The following DIDO1 variants were observed in gnomAD, a reference collection of about 807,000 sequenced individuals.
DIDO1 encodes death inducer-obliterator 1.
A neutral mutation model predicts 99.4 loss-of-function variants in DIDO1; 16 were observed. The ratio of observed to expected loss-of-function variants is 0.16; its 90% CI spans 0.11 to 0.24. The LOEUF is 0.24. Among genes scored for constraint, DIDO1 ranks in the 10% least tolerant of loss-of-function variants. The pLI, the probability that DIDO1 is intolerant of heterozygous loss-of-function variation, is 1.00. For missense variants in DIDO1, 2,996 were observed against 3,014.0 expected (o/e 0.99, Z 0.14); for synonymous variants, 1,366 against 1,239.1 (o/e 1.10, Z -2.15).
In DIDO1 at chr20:62,925,302, T is replaced by TA. The variant is rs1453861536; in HGVS notation, c.-200+1136dup. Among the ~76,000 whole-genome samples the TA allele has an allele frequency of 2.0e-5, 3 of 152,302 alleles. No homozygotes were observed. The South Asian group carries it at 6.2e-4, about 32-fold the overall frequency. On this transcript the variant is annotated intron_variant, in intron 1 of 15. Coordinates refer to ENST00000395343, the MANE Select transcript of DIDO1 (RefSeq NM_001193369.2). ...TAACAGTAAGCAATGAATGCTCATT[T>TA]AAAAAAAGACTGTATTTACTCCTTA...
chr20:62,905,570 G>A (rs1418081126), intron 6 of DIDO1: 2 of 1,550,982 alleles, frequency 1.3e-6, no homozygotes, highest in East Asian at 2.4e-5. Flanking sequence ...CAATCAGACT[G>A]GGATGAAGAG....
At chr20:62,907,087 C>T (rs989752567) in intron 5 of DIDO1, 60 bp downstream of exon 5, 57 of 1,573,122 alleles carry the variant, frequency 3.6e-5, no homozygotes, top group African/African-American at 1.1e-4. Context: ...AACAGTTCTG[C>T]GACAAACGCT....
At chr20:62,904,216 C>CCT (rs3069123) in intron 6 of DIDO1, among the ~76,000 whole-genome samples, 82,949 of 151,842 alleles carry the variant, frequency 0.55, 24,096 homozygotes, top group African/African-American at 0.75. Context: ...ATTAAAAATC[C>CCT]CTCTCTGCAT....
Position 62,882,054 on chromosome 20 carries a change from G to A in DIDO1, c.3902C>T (p.Ser1301Phe), listed in dbSNP as rs536977764. ...TTAAAASTAA[S>F]STASSASKTA... ...TTTGGAAGCAGACGAAGCGGTGGAG[G>A]AAGCTGCCGTGGAGGCTGCCGCTGC... Residue 1301 changes from serine (S) to phenylalanine (F), a missense_variant, in exon 16 of 16, where the codon TCC becomes TTC. Transcript: ENST00000395343. 2.5e-6 allele frequency: 4 copies of A among 1,613,600 alleles called. No individual in the cohort carries two copies. Among genetic ancestry groups the A allele is most frequent in the East Asian group, 2.2e-5 (1 of 44,892 alleles).
chr20:62,929,344 AG>A, upstream of DIDO1: 1 of 135,936 alleles, frequency 7.4e-6, no homozygotes, highest in Admixed American at 7.1e-5. Flanking sequence ...GGGCACGGGG[AG>A]GGGCGAGGGC....
rs2064137913 is a variant in DIDO1, at chr20:62,878,109, AAC to A, written c.*1122_*1123del. 1 of 152,382 alleles carries A rather than the reference AAC, an allele frequency of 6.6e-6. No individual in the cohort carries two copies. Among genetic ancestry groups the A allele is most frequent in the Admixed American group, 6.5e-5 (1 of 15,302 alleles). The allele number at this position is 152,382 out of a possible 1,614,324, so 9.4% of individuals were successfully genotyped here. A position where few individuals can be genotyped will look rare whatever the true frequency, so the allele number is the denominator to read the frequency against. On this transcript the variant is annotated 3_prime_UTR_variant, in exon 16 of 16. Transcript: ENST00000395343. ...AATCTGTAGTGACGTACAATGGAAT[AAC>A]AGACTCCAAAGAACAAGTGAAGTTC... is the stretch of plus-strand genomic sequence containing the variant.
intron 1 of DIDO1, among the ~76,000 whole-genome samples, chr20:62,933,755 C>T (rs533110229): frequency 1.2e-4 from 18 of 152,236 alleles, no homozygotes; most frequent in Middle Eastern, 3.4e-3. Flanking sequence ...CCTGTAGTCC[C>T]AGCTACTCAA....
chr20:62,894,983 GT>G lies in DIDO1; in HGVS notation c.2331+65del, dbSNP rs2064486700. 1 of 1,595,114 alleles carries G rather than the reference GT, an allele frequency of 6.3e-7. No homozygotes were observed. Among genetic ancestry groups the G allele is most frequent in the African/African-American group, 1.3e-5 (1 of 74,448 alleles). On this transcript the variant is annotated intron_variant, in intron 9 of 15. Coordinates refer to ENST00000395343, the MANE Select transcript of DIDO1 (RefSeq NM_001193369.2). This position sits in a 1 kb window ranked among gnomAD's most constrained non-coding sequence, Gnocchi z 4.4. ...GGAGGAAAGCATCGCTTATGCAGCC[GT>G]CTATGAATTTATTTCTATTAAGCTC...
chr20:62,892,168 T>C (rs1325672891), intron 13 of DIDO1, 92 bp from the exon 14 acceptor site: 2 of 1,032,746 alleles, frequency 1.9e-6, no homozygotes, highest in Admixed American at 5.2e-5. Context: ...CTACCCAAGA[T>C]TCAAGAAGAC....
chr20:62,882,393 T>C lies in DIDO1; in HGVS notation c.3563A>G (p.Asn1188Ser). The change falls in exon 16 of 16, where the codon AAT becomes AGT. Residue 1188 changes from asparagine to serine, a missense_variant. Physicochemically the swap from Asn to Ser is conservative, Grantham distance 46. Transcript: ENST00000395343. Reference protein sequence around the residue: ...EGPGLESPRPNIILGLVICQK... With the variant: ...EGPGLESPRPSIILGLVICQK... ...GCAGATTACTAACCCAAGAATTATATTCGGACGTGGTGACTCAAGACCTGA... is the reference window on the plus strand; with the variant it reads ...GCAGATTACTAACCCAAGAATTATACTCGGACGTGGTGACTCAAGACCTGA... 6.2e-7 allele frequency: 1 copy of C among 1,611,944 alleles called. No homozygotes were observed. Among genetic ancestry groups the C allele is most frequent in the South Asian group, 1.1e-5 (1 of 90,800 alleles).
chr20:62,925,682 A>G (rs1247152773), intron 1 of DIDO1, among the ~76,000 whole-genome samples: 1 of 152,228 alleles, frequency 6.6e-6, no homozygotes, highest in African/African-American at 2.4e-5. Context: ...GAACCGCGAG[A>G]AGGAGCCCCG....
upstream of DIDO1, among the ~76,000 whole-genome samples, chr20:62,927,345 T>C (rs2065273882): frequency 6.6e-6 from 1 of 152,194 alleles, no homozygotes; most frequent in African/African-American, 2.4e-5. Context: ...AAGTGAGGTA[T>C]GGTAGATGTC....
chr20:62,889,296 C>T (rs1306169946), intron 15 of DIDO1: 2 of 985,500 alleles, frequency 2.0e-6, no homozygotes, highest in Admixed American at 6.1e-5. Context: ...CTGGTGGCCT[C>T]CCTGGGCCCC....
At chr20:62,889,034 C>T (rs2064346448) in intron 15 of DIDO1, 1 of 985,354 alleles carries the variant, frequency 1.0e-6, no homozygotes, top group South Asian at 4.7e-5. Flanking sequence ...TTTGTGTGTC[C>T]CCGTCAGGCG....
At chr20:62,918,045 G>A (rs2065070512) in intron 1 of DIDO1, among the ~76,000 whole-genome samples, 1 of 152,198 alleles carries the variant, frequency 6.6e-6, no homozygotes. Flanking sequence ...CATCAGAAGA[G>A]ACTTTAAACA....
chr20:62,895,027 G>C (rs184368726), intron 9 of DIDO1, 22 bp downstream of exon 9: 10 of 1,599,082 alleles, frequency 6.3e-6, no homozygotes, highest in Admixed American at 1.7e-5. Flanking sequence ...GGGTGCCTCC[G>C]CAGGTACCCC....
chr20:62,909,337 G>A (rs1484601246), intron 4 of DIDO1, among the ~76,000 whole-genome samples: 2 of 152,208 alleles, frequency 1.3e-5, no homozygotes, highest in East Asian at 1.9e-4. Context: ...CTCAACACAA[G>A]CACCCCGAGG....
chr20:62,926,246 C>CCCCGCCCGCTCG (rs1229017249), intron 1 of DIDO1, among the ~76,000 whole-genome samples, 193 bp downstream of exon 1: 1 of 104,586 alleles, frequency 9.6e-6, no homozygotes, highest in Non-Finnish European at 1.8e-5. Context: ...CTCTGACCGG[C>CCCCGCCCGCTCG]CCCGCCCGCT....
intron 6 of DIDO1, among the ~76,000 whole-genome samples, chr20:62,901,406 C>A (rs2064677525): frequency 6.6e-6 from 1 of 152,226 alleles, no homozygotes; most frequent in Non-Finnish European, 1.5e-5. Flanking sequence ...TTCAGTTGTG[C>A]CCAGCTGCAC....
Sources: gnomAD v4.1 joint callset for allele counts (sites outside exome capture counted in the v4.1 genomes callset) on GRCh38, gnomAD v4.1.1 for gene constraint, Gnocchi (gnomAD v3.1) non-coding constraint, MANE v1.5 for transcripts, NCBI Gene and HGNC (gene_info 2026-07-23, HGNC 2026-07-21) for gene names.